The following POLQ variants were observed in gnomAD, a reference collection of about 807,000 sequenced individuals.
The protein encoded by POLQ is epididymis secretory sperm binding protein.
Under a neutral mutation model 259.2 loss-of-function variants are expected in POLQ, and 233 were observed. That is an observed-to-expected ratio of 0.90 (90% CI 0.81 to 1.00). The LOEUF (loss-of-function observed/expected upper bound fraction) is 1.00. POLQ is among the 50% of genes least tolerant of loss of function. POLQ has a pLI of 0.00. For synonymous variants in POLQ, 1,025 were observed against 1,048.8 expected (o/e 0.98, Z 0.44); for missense variants, 2,871 against 3,051.6 (o/e 0.94, Z 1.39).
At position 121,529,686 on chromosome 3, in the gene POLQ, A is replaced by T; in HGVS notation, c.1067T>A (p.Ile356Asn). ...TAGATTATAAAACTCTCGAGCAATG[A>T]TATCTGCCAGCTTCTCACACCATTT... ...SKKWCEKLAD[I>N]IAREFYNLHH... The change falls in exon 7 of 30, where the codon ATC (isoleucine) becomes AAC (asparagine). Residue 356 changes from isoleucine (I) to asparagine (N), a missense_variant. Physicochemically the swap from Ile to Asn is moderately radical, Grantham distance 149. Transcript: ENST00000264233. The T allele has an allele frequency of 6.2e-7, 1 of 1,613,638 alleles. No homozygotes were observed. The highest frequency in any genetic ancestry group is 8.5e-7 in the Non-Finnish European group (1 of 1,179,738).
chr3:121,450,080 G>A (rs1000175171), intron 25 of POLQ, among the ~76,000 whole-genome samples: 3 of 152,134 alleles, frequency 2.0e-5, no homozygotes, highest in Admixed American at 2.0e-4. Context: ...TTCACAAAAT[G>A]TATCATCTTG....
At chr3:121,480,693 AT>A (rs2047963409) in intron 19 of POLQ, among the ~76,000 whole-genome samples, 2 of 152,332 alleles carry the variant, frequency 1.3e-5, no homozygotes, top group South Asian at 4.1e-4. Context: ...AAAGTTAAAA[AT>A]TATAATAATC....
intron 27 of POLQ, among the ~76,000 whole-genome samples, chr3:121,437,261 G>T (rs2047551335): frequency 6.6e-6 from 1 of 152,024 alleles, no homozygotes; most frequent in Non-Finnish European, 1.5e-5. Flanking sequence ...TAATGAGTGG[G>T]AGAAAAGGCC....
chr3:121,495,850 A>G (rs2048116391), intron 14 of POLQ, among the ~76,000 whole-genome samples: 2 of 137,750 alleles, frequency 1.5e-5, no homozygotes, highest in Non-Finnish European at 3.0e-5. Flanking sequence ...CTCTGTCTCA[A>G]AAAAAAAAAA....
intron 20 of POLQ, among the ~76,000 whole-genome samples, chr3:121,474,089 G>A (rs2047906611): frequency 6.6e-6 from 1 of 152,202 alleles, no homozygotes; most frequent in Non-Finnish European, 1.5e-5. Flanking sequence ...TGGCAAACAA[G>A]TTATTGACAT....
At chr3:121,435,760 A>T (rs2047538397) in intron 28 of POLQ, among the ~76,000 whole-genome samples, 1 of 152,256 alleles carries the variant, frequency 6.6e-6, no homozygotes, top group African/African-American at 2.4e-5. Flanking sequence ...TAAGCCAAAC[A>T]TTAAAGAGAT....
At chr3:121,432,894 T>C (rs983399753) in intron 29 of POLQ, 24 bp downstream of exon 29, 1 of 1,269,564 alleles carries the variant, frequency 7.9e-7, no homozygotes, top group South Asian at 1.2e-5. Flanking sequence ...TCCTATGGAA[T>C]GGACACAAGC....
chr3:121,467,293 C>A (rs774567320), intron 24 of POLQ, among the ~76,000 whole-genome samples: 12 of 152,154 alleles, frequency 7.9e-5, no homozygotes, highest in Non-Finnish European at 1.6e-4. Flanking sequence ...TTTCAGCAGA[C>A]TGCTGCTGCT....
chr3:121,476,487 A>G (rs2047926469), intron 20 of POLQ, 53 bp downstream of exon 20: 3 of 1,223,000 alleles, frequency 2.5e-6, no homozygotes, highest in Non-Finnish European at 3.5e-6. Flanking sequence ...CACACACACA[A>G]TCATTTTAAC....
At position 121,510,088 on chromosome 3, in the gene POLQ, T is replaced by C. The variant is rs140612768; in HGVS notation, c.1767A>G (p.Leu589=). 2.0e-5 allele frequency: 33 copies of C among 1,614,018 alleles called. No individual in the cohort carries two copies. The highest frequency in any genetic ancestry group is 2.7e-5 in the Non-Finnish European group (32 of 1,179,960). The change falls in exon 11 of 30, where the codon CTA becomes CTG. Residue 589 remains leucine (L), a synonymous_variant. Transcript: ENST00000264233. Reference sequence around the variant, plus strand: ...TACTCTGGATGAATTCATTTTCTAGTAGCCACATCACACAGGCCTCAATCG... The same window carrying C: ...TACTCTGGATGAATTCATTTTCTAGCAGCCACATCACACAGGCCTCAATCG... ...LGAIEACVMW[L]LENEFIQSTE...
intron 28 of POLQ, among the ~76,000 whole-genome samples, chr3:121,434,560 T>C (rs2047527618): frequency 6.6e-6 from 1 of 152,226 alleles, no homozygotes; most frequent in African/African-American, 2.4e-5. Context: ...TGTGTGTATA[T>C]ACACACATAG....
intron 12 of POLQ, among the ~76,000 whole-genome samples, chr3:121,503,903 A>C (rs1490245282): frequency 6.6e-6 from 1 of 152,210 alleles, no homozygotes; most frequent in African/African-American, 2.4e-5. Context: ...CCCAGGCTGG[A>C]GTGCAGTGGC....
chr3:121,522,724 A>G (rs1247352996), intron 7 of POLQ, among the ~76,000 whole-genome samples: 1 of 152,160 alleles, frequency 6.6e-6, no homozygotes, highest in African/African-American at 2.4e-5. Context: ...GGCAATTCCA[A>G]TGTGCGCCAA....
At chr3:121,534,640 A>T (rs2048438063) in intron 5 of POLQ, among the ~76,000 whole-genome samples, 1 of 152,264 alleles carries the variant, frequency 6.6e-6, no homozygotes, top group South Asian at 2.1e-4. Flanking sequence ...AGTTATTGGG[A>T]TGGATAATTA....
rs970332506 is a variant in POLQ at position 121,545,878 on chromosome 3, G to A, written c.-1C>T. 3.7e-6 allele frequency: 6 copies of A among 1,613,768 alleles called. No individual in the cohort carries two copies. The highest frequency in any genetic ancestry group is 2.2e-5 in the East Asian group (1 of 44,890). ...TCCCACTCCGACGCAGAAGATTCATGGCAAACTCTTCTCGGCCGATCAGGG... is the reference window on the plus strand; with the variant it reads ...TCCCACTCCGACGCAGAAGATTCATAGCAAACTCTTCTCGGCCGATCAGGG... On this transcript the variant is annotated 5_prime_UTR_variant, in exon 1 of 30. Coordinates refer to ENST00000264233, the MANE Select transcript of POLQ (RefSeq NM_199420.4).
intron 7 of POLQ, among the ~76,000 whole-genome samples, chr3:121,529,058 CTTTTT>C (rs1430948191): frequency 2.6e-5 from 4 of 152,072 alleles, no homozygotes; most frequent in African/African-American, 9.6e-5. Flanking sequence ...ATACCTTTTT[CTTTTT>C]GTTTTTTAAT....
intron 27 of POLQ, among the ~76,000 whole-genome samples, chr3:121,439,133 T>C (rs2047567390): frequency 3.3e-5 from 5 of 152,052 alleles, no homozygotes. Flanking sequence ...CACTTAAACA[T>C]AATTTGAGCA....
intron 25 of POLQ, among the ~76,000 whole-genome samples, chr3:121,450,373 TA>T (rs1427507882): frequency 5.4e-5 from 8 of 147,878 alleles, no homozygotes; most frequent in African/African-American, 1.6e-4. Flanking sequence ...ATTATTTATT[TA>T]TTTTTTTTAT....
intron 5 of POLQ, 27 bp from the exon 6 acceptor site, chr3:121,533,236 T>C (rs762746693): frequency 1.4e-6 from 2 of 1,430,500 alleles, no homozygotes; most frequent in Non-Finnish European, 1.9e-6. Flanking sequence ...GAAAAGAACA[T>C]TAAAAGATAT....
Sources: allele counts gnomAD v4.1 joint callset (sites outside exome capture counted in the v4.1 genomes callset), GRCh38; gene constraint gnomAD v4.1.1; transcripts MANE v1.5; gene names NCBI Gene and HGNC (gene_info 2026-07-23, HGNC 2026-07-21).